The following SCD variants were observed in gnomAD, a reference collection of about 807,000 sequenced individuals.
The protein encoded by SCD is acyl-CoA desaturase.
SCD carries 4 observed loss-of-function variants against 35.7 expected under a neutral mutation model. The observed-to-expected ratio is 0.11, with a 90% CI of 0.06 to 0.26. The LOEUF is 0.26. Among genes scored for constraint, SCD ranks in the 10% least tolerant of loss-of-function variants. SCD has a pLI of 1.00. For synonymous variants in SCD, 150 were observed against 170.2 expected (o/e 0.88, Z 0.92); for missense variants, 282 against 460.7 (o/e 0.61, Z 3.55).
chr10:100,357,685 A>C (rs1174609081), intron 5 of SCD, among the ~76,000 whole-genome samples: 1 of 151,906 alleles, frequency 6.6e-6, no homozygotes, highest in Admixed American at 6.6e-5. Flanking sequence ...CTAATGAGAC[A>C]GGGTCTCACC....
chr10:100,352,596 C>A lies in SCD; in HGVS notation c.441+100C>A. On this transcript the variant is annotated intron_variant, in intron 3 of 5. Coordinates refer to ENST00000370355, the MANE Select transcript of SCD (RefSeq NM_005063.5). This position sits in a 1 kb window ranked among gnomAD's most constrained non-coding sequence, Gnocchi z 4.2. ...ACCAGAGAGGAGCCACACCTGACAG[C>A]CATTTCACTTTCCTCTCTCCTGTAG... is the stretch of plus-strand genomic sequence containing the variant. 3.5e-6 allele frequency: 4 copies of A among 1,151,882 alleles called. No homozygotes were observed. Among genetic ancestry groups the A allele is most frequent in the South Asian group, 1.3e-5 (1 of 74,292 alleles). The allele number at this position is 1,151,882 out of a possible 1,614,324, so 71.4% of individuals were successfully genotyped here.
chr10:100,350,674 CCT>C (rs2133592421), intron 2 of SCD, among the ~76,000 whole-genome samples: 1 of 152,292 alleles, frequency 6.6e-6, no homozygotes, highest in South Asian at 2.1e-4. Context: ...CCCCAATTTC[CCT>C]GTTAATATAG....
chr10:100,347,784 G>T (rs1435486483), intron 1 of SCD, among the ~76,000 whole-genome samples: 5 of 152,144 alleles, frequency 3.3e-5, no homozygotes, highest in African/African-American at 1.2e-4. Flanking sequence ...GTTTTCCTTT[G>T]TCTTCGTGGG....
chr10:100,351,951 G>A (rs184861137), intron 2 of SCD, among the ~76,000 whole-genome samples: 10 of 152,282 alleles, frequency 6.6e-5, no homozygotes, highest in Admixed American at 3.3e-4. Context: ...GCCCTCTGCT[G>A]TTATTTTAAT....
At chr10:100,347,721 C>A (rs1452035330) in intron 1 of SCD, among the ~76,000 whole-genome samples, 190 bp downstream of exon 1, 1 of 152,196 alleles carries the variant, frequency 6.6e-6, no homozygotes, top group African/African-American at 2.4e-5. Context: ...ACTTTAGTTT[C>A]TTAAGCTTTA....
intron 5 of SCD, among the ~76,000 whole-genome samples, chr10:100,358,302 C>T (rs926777414): frequency 3.3e-5 from 5 of 152,080 alleles, no homozygotes; most frequent in African/African-American, 1.2e-4. Context: ...CTGCGCCTGG[C>T]CTACTATGTT....
rs758054030 is a variant in SCD, at chr10:100,360,938, G to A, written c.*5G>A. ...GGAAACTACAAGAGTGGCTGAGTTT[G>A]GGGTCCCTCAGGTTCCTTTTTCAAA... On this transcript the variant is annotated 3_prime_UTR_variant, in exon 6 of 6. Coordinates refer to ENST00000370355, the MANE Select transcript of SCD (RefSeq NM_005063.5). 2 of 1,613,624 alleles carry A rather than the reference G, an allele frequency of 1.2e-6. No homozygotes were observed. Among genetic ancestry groups the A allele is most frequent in the South Asian group, 1.1e-5 (1 of 91,046 alleles).
rs892599405 is a variant in SCD, at chr10:100,356,234, G to A, written c.648-298G>A. ...CTCTACAAAAAATTAAAAACTAAAT[G>A]GGCACGATGGTTCATGCCTGTGGTC... On this transcript the variant is annotated intron_variant, in intron 4 of 5. Coordinates refer to ENST00000370355, the MANE Select transcript of SCD (RefSeq NM_005063.5). This position sits in a 1 kb window ranked among gnomAD's most constrained non-coding sequence, Gnocchi z 4.1. Among the ~76,000 whole-genome samples, 1 of 152,002 alleles carries A rather than the reference G, an allele frequency of 6.6e-6. No individual in the cohort carries two copies. Among genetic ancestry groups the A allele is most frequent in the African/African-American group, 2.4e-5 (1 of 41,390 alleles).
At chr10:100,351,249 C>T (rs1300845577) in intron 2 of SCD, among the ~76,000 whole-genome samples, 2 of 152,184 alleles carry the variant, frequency 1.3e-5, no homozygotes, top group African/African-American at 4.8e-5. Flanking sequence ...TATCTGGCAC[C>T]TCCTGAGCCT....
intron 3 of SCD, among the ~76,000 whole-genome samples, chr10:100,353,925 G>A (rs1473460195): frequency 6.6e-6 from 1 of 152,214 alleles, no homozygotes; most frequent in Non-Finnish European, 1.5e-5. Flanking sequence ...TCATGATCAC[G>A]AGTTGCATGC....
chr10:100,353,351 C>T (rs1849890979), intron 3 of SCD, among the ~76,000 whole-genome samples: 1 of 151,962 alleles, frequency 6.6e-6, no homozygotes, highest in Admixed American at 6.6e-5. Context: ...TTTGGGAGGC[C>T]GAGGTGGGCA....
chr10:100,350,047 A>G (rs1196310823), intron 2 of SCD, among the ~76,000 whole-genome samples: 1 of 152,056 alleles, frequency 6.6e-6, no homozygotes. Context: ...GCAGAATTCC[A>G]TCCCAAAGTG....
intron 5 of SCD, among the ~76,000 whole-genome samples, chr10:100,360,103 C>T (rs1429194882): frequency 6.6e-6 from 1 of 152,224 alleles, no homozygotes; most frequent in Non-Finnish European, 1.5e-5. Flanking sequence ...CCTGGGCTGG[C>T]CTTTCTTCTG....
Position 100,363,832 on chromosome 10 carries a change from C to T in SCD, c.*2899C>T, listed in dbSNP as rs1217570180. 1 of 152,478 alleles carries T rather than the reference C, an allele frequency of 6.6e-6. No individual in the cohort carries two copies. Among genetic ancestry groups the T allele is most frequent in the Admixed American group, 6.6e-5 (1 of 15,256 alleles). The allele number at this position is 152,478 out of a possible 1,614,324, so 9.4% of individuals were successfully genotyped here. A position where few individuals can be genotyped will look rare whatever the true frequency, so the allele number is the denominator to read the frequency against. On this transcript the variant is annotated 3_prime_UTR_variant, in exon 6 of 6. Coordinates refer to ENST00000370355, the MANE Select transcript of SCD (RefSeq NM_005063.5). The stretch of plus-strand genomic sequence containing the variant: ...TCAAGAGTCCGGATTTCTAACAGTC[C>T]TTGCTTTGGGGGGTGTGCTGACAAC...
Position 100,364,226 on chromosome 10 carries a change from A to T in SCD, c.*3293A>T, listed in dbSNP as rs1850018466. ...TATTCTCTGTAAGTGTAGCTCAAAT[A>T]GGTCATCATGAAAGGTTAAAAAAGC... On this transcript the variant is annotated 3_prime_UTR_variant, in exon 6 of 6. Transcript: ENST00000370355. 1 of 151,652 alleles carries T rather than the reference A, an allele frequency of 6.6e-6. No individual in the cohort carries two copies. Among genetic ancestry groups the T allele is most frequent in the African/African-American group, 2.4e-5 (1 of 41,210 alleles). The allele number at this position is 151,652 out of a possible 1,614,324, so 9.4% of individuals were successfully genotyped here.
intron 5 of SCD, among the ~76,000 whole-genome samples, chr10:100,358,865 T>C (rs1188252912): frequency 6.6e-6 from 1 of 151,534 alleles, no homozygotes; most frequent in Non-Finnish European, 1.5e-5. Flanking sequence ...GAGGCAGAGG[T>C]TGCAATGAGC....
chr10:100,351,797 T>G (rs1464652130), intron 2 of SCD, among the ~76,000 whole-genome samples: 1 of 152,158 alleles, frequency 6.6e-6, no homozygotes, highest in Non-Finnish European at 1.5e-5. Flanking sequence ...GGTGCCACCA[T>G]GCCAAGCTAA....
At chr10:100,351,929 A>T (rs993885075) in intron 2 of SCD, among the ~76,000 whole-genome samples, 3 of 152,124 alleles carry the variant, frequency 2.0e-5, no homozygotes, top group Non-Finnish European at 4.4e-5. Flanking sequence ...AAAGTGGTTC[A>T]TACTACACCT....
chr10:100,356,449 C>A lies in SCD; in HGVS notation c.648-83C>A, dbSNP rs531984921. The A allele has an allele frequency of 4.6e-3, 4,100 of 882,988 alleles. 79 individuals are homozygous for A. The African/African-American group carries it at 0.059, about 13-fold the overall frequency. The allele number at this position is 882,988 out of a possible 1,614,324, so 54.7% of individuals were successfully genotyped here. ...CAATTCAACATGGAAGAAAGACAGC[C>A]CATCCCCTCCCAATTAGTGTGGAAG... On this transcript the variant is annotated intron_variant, in intron 4 of 5. Transcript: ENST00000370355. The surrounding 1 kb of genome is among the most constrained non-coding windows in gnomAD (Gnocchi z 4.1).
Sources: allele counts gnomAD v4.1 joint callset (sites outside exome capture counted in the v4.1 genomes callset), GRCh38; gene constraint gnomAD v4.1.1; non-coding constraint Gnocchi (gnomAD v3.1); transcripts MANE v1.5; gene names NCBI Gene and HGNC (gene_info 2026-07-23, HGNC 2026-07-21).